TBC1D22A: variants seen among roughly 807,000 people sequenced by gnomAD.
The protein encoded by TBC1D22A is TBC1 domain family member 22A.
A neutral mutation model predicts 60.2 loss-of-function variants in TBC1D22A; 38 were observed. The observed-to-expected ratio is 0.63, with a 90% CI of 0.49 to 0.83. The LOEUF is 0.83. TBC1D22A is among the 40% of genes least tolerant of loss of function. TBC1D22A has a pLI of 0.00. For missense variants in TBC1D22A, 628 were observed against 701.0 expected (o/e 0.90, Z 1.18); for synonymous variants, 302 against 281.7 (o/e 1.07, Z -0.72).
chr22:47,162,682 CGTGGGAATGGG>C (rs1569479273), intron 12 of TBC1D22A, among the ~76,000 whole-genome samples: 26 of 47,404 alleles, frequency 5.5e-4, no homozygotes, highest in African/African-American at 1.7e-3. Context: ...CAGGGAGAGT[CGTGGGAATGGG>C]ACTGCGGACC....
chr22:46,933,625 T>TG (rs1555955591), intron 8 of TBC1D22A, among the ~76,000 whole-genome samples: 1,515 of 150,602 alleles, frequency 0.01, 27 homozygotes, highest in African/African-American at 0.033. Flanking sequence ...GAGAGACCAC[T>TG]GGGGGGGGGT....
At chr22:46,857,635 C>T (rs1569137926) in intron 4 of TBC1D22A, among the ~76,000 whole-genome samples, 1 of 151,982 alleles carries the variant, frequency 6.6e-6, no homozygotes, top group African/African-American at 2.4e-5. Flanking sequence ...AATCCTGTAC[C>T]CATTAGTAGT....
intron 10 of TBC1D22A, among the ~76,000 whole-genome samples, chr22:47,022,326 C>T (rs1470121703): frequency 6.6e-6 from 1 of 152,114 alleles, no homozygotes; most frequent in African/African-American, 2.4e-5. Flanking sequence ...CGGGCCATCC[C>T]TGGGAGGGAG....
At chr22:46,916,977 A>G (rs1271648893) in intron 8 of TBC1D22A, among the ~76,000 whole-genome samples, 1 of 152,224 alleles carries the variant, frequency 6.6e-6, no homozygotes, top group Admixed American at 6.5e-5. Context: ...CTAGAGGCAC[A>G]TAGTGATACA....
intron 4 of TBC1D22A, among the ~76,000 whole-genome samples, chr22:46,874,090 G>A (rs771845021): frequency 1.3e-5 from 2 of 152,294 alleles, no homozygotes; most frequent in Admixed American, 1.3e-4. Context: ...GATTACAGGC[G>A]TGAGCCACCG....
intron 4 of TBC1D22A, among the ~76,000 whole-genome samples, chr22:46,867,189 C>T (rs77633847): frequency 1.3e-5 from 2 of 152,132 alleles, no homozygotes; most frequent in Non-Finnish European, 2.9e-5. Context: ...TTGGGCAGCA[C>T]GTTAGCAGCA....
At position 46,792,502 on chromosome 22, in the gene TBC1D22A, C is replaced by T. The variant is rs1381101662; in HGVS notation, c.63-18C>T. 6.2e-7 allele frequency: 1 copy of T among 1,614,240 alleles called. No homozygotes were observed. Among genetic ancestry groups the T allele is most frequent in the Non-Finnish European group, 8.5e-7 (1 of 1,180,038 alleles). On this transcript the variant is annotated intron_variant, in intron 1 of 12. Coordinates refer to ENST00000337137, the MANE Select transcript of TBC1D22A (RefSeq NM_014346.5). ...GGCAGGAGAGAGGCTCACTGGTTTT[C>T]CTTTTCTTTTCCATCAGCATCCAGC... is the stretch of plus-strand genomic sequence containing the variant.
In TBC1D22A at chr22:47,028,559, C is replaced by T. The variant is rs951174302; in HGVS notation, c.1202-8512C>T. On this transcript the variant is annotated intron_variant, in intron 10 of 12. Coordinates refer to ENST00000337137, the MANE Select transcript of TBC1D22A (RefSeq NM_014346.5). The surrounding 1 kb of genome is among the most constrained non-coding windows in gnomAD (Gnocchi z 4.4). ...GAGAGTGAGTGGTCGCGTTCCTGTC[C>T]CTCGGTCCCTGTCCCCCACGGCCCA... 2.0e-5 allele frequency among the ~76,000 whole-genome samples: 3 copies of T among 151,964 alleles called. No homozygotes were observed. The highest frequency in any genetic ancestry group is 4.4e-5 in the Non-Finnish European group (3 of 68,020).
chr22:46,776,070 G>A (rs2083691016), intron 1 of TBC1D22A, among the ~76,000 whole-genome samples: 1 of 152,246 alleles, frequency 6.6e-6, no homozygotes, highest in Non-Finnish European at 1.5e-5. Flanking sequence ...GGATGCTGGT[G>A]CCAAGCGGGC....
chr22:47,172,235 C>A (rs1356322193), intron 12 of TBC1D22A, among the ~76,000 whole-genome samples: 5 of 152,276 alleles, frequency 3.3e-5, no homozygotes, highest in Admixed American at 2.6e-4. Flanking sequence ...GTCTACCTAG[C>A]ATGCCCATGG....
At position 46,990,652 on chromosome 22, in the gene TBC1D22A, A is replaced by G. The variant is rs1015650361; in HGVS notation, c.1126-6982A>G. ...GAACACCCTCGTGCCCCGCCTGTTC[A>G]TCCCCTTCCACCCAACCCCTGGGCT... On this transcript the variant is annotated intron_variant, in intron 9 of 12. Coordinates refer to ENST00000337137, the MANE Select transcript of TBC1D22A (RefSeq NM_014346.5). This position sits in a 1 kb window ranked among gnomAD's most constrained non-coding sequence, Gnocchi z 4.6. Among the ~76,000 whole-genome samples, 2 of 151,750 alleles carry G rather than the reference A, an allele frequency of 1.3e-5. No homozygotes were observed. The highest frequency in any genetic ancestry group is 1.3e-4 in the Admixed American group (2 of 15,228).
chr22:46,870,290 T>C (rs2067243323), intron 4 of TBC1D22A, among the ~76,000 whole-genome samples: 1 of 152,246 alleles, frequency 6.6e-6, no homozygotes, highest in Non-Finnish European at 1.5e-5. Context: ...GTCTGCTCTC[T>C]TTAGAGTTAG....
intron 1 of TBC1D22A, among the ~76,000 whole-genome samples, chr22:46,766,883 C>A (rs780706946): frequency 2.0e-5 from 3 of 152,142 alleles, no homozygotes; most frequent in Admixed American, 1.3e-4. Context: ...CCCTTTTTTG[C>A]ATCAAACTCA....
intron 9 of TBC1D22A, among the ~76,000 whole-genome samples, chr22:46,994,150 C>A (rs571129030): frequency 4.0e-4 from 61 of 152,288 alleles, no homozygotes; most frequent in Non-Finnish European, 7.4e-4. Flanking sequence ...TTCTGAGAAT[C>A]CGTCTTCCCT....
rs539313370 is a variant in TBC1D22A, at chr22:47,034,295, T to C, written c.1202-2776T>C. Among the ~76,000 whole-genome samples, 11 of 152,254 alleles carry C rather than the reference T, an allele frequency of 7.2e-5. No individual in the cohort carries two copies. In the East Asian group the frequency reaches 2.1e-3, roughly 29 times the overall value. Reference sequence around the variant, plus strand: ...GAGCCACTGGGACCTGTCCTTCCTGTCTCTGTGAGCCTGTGTGGTGCCGCG... The same window carrying C: ...GAGCCACTGGGACCTGTCCTTCCTGCCTCTGTGAGCCTGTGTGGTGCCGCG... On this transcript the variant is annotated intron_variant, in intron 10 of 12. Coordinates refer to ENST00000337137, the MANE Select transcript of TBC1D22A (RefSeq NM_014346.5).
rs371720801 is a variant in TBC1D22A, at chr22:47,073,608, G to T, written c.1329+36410G>T. On this transcript the variant is annotated intron_variant, in intron 11 of 12. Coordinates refer to ENST00000337137, the MANE Select transcript of TBC1D22A (RefSeq NM_014346.5). ...AAAACCACAAGGGCTCTGATTGCTG[G>T]GTCTAGGACTTCCCCACTCCGACAG... Among the ~76,000 whole-genome samples the T allele has an allele frequency of 2.8e-4, 43 of 152,244 alleles. No individual in the cohort carries two copies. In the South Asian group the frequency reaches 8.1e-3, roughly 29 times the overall value.
At chr22:47,064,742 A>G (rs1276500721) in intron 11 of TBC1D22A, among the ~76,000 whole-genome samples, 4 of 152,160 alleles carry the variant, frequency 2.6e-5, no homozygotes, top group African/African-American at 9.7e-5. Context: ...TTGTCCCTCT[A>G]AGTGTCTCCT....
intron 12 of TBC1D22A, among the ~76,000 whole-genome samples, chr22:47,137,815 C>T (rs5767527): frequency 6.6e-6 from 1 of 151,738 alleles, no homozygotes; most frequent in Non-Finnish European, 1.5e-5. Flanking sequence ...AGTGGGGAGT[C>T]GGGAGTGGAG....
At chr22:46,984,465 T>C (rs993520865) in intron 9 of TBC1D22A, among the ~76,000 whole-genome samples, 4 of 150,292 alleles carry the variant, frequency 2.7e-5, no homozygotes, top group Non-Finnish European at 5.9e-5. Context: ...TCTTGCACTT[T>C]TGCCAGTCTT....
Sources: allele counts gnomAD v4.1 joint callset (sites outside exome capture counted in the v4.1 genomes callset), GRCh38; gene constraint gnomAD v4.1.1; non-coding constraint Gnocchi (gnomAD v3.1); transcripts MANE v1.5; gene names NCBI Gene and HGNC (gene_info 2026-07-23, HGNC 2026-07-21).